ADGRF5: variants seen among roughly 807,000 people sequenced by gnomAD.
ADGRF5 encodes adhesion G protein-coupled receptor F5.
ADGRF5 carries 75 observed loss-of-function variants against 132.3 expected under a neutral mutation model. The ratio of observed to expected loss-of-function variants is 0.57; its 90% CI spans 0.47 to 0.69. ADGRF5 has a LOEUF of 0.69. Among genes scored for constraint, ADGRF5 ranks in the 30% least tolerant of loss-of-function variants. The pLI, the probability that ADGRF5 is intolerant of heterozygous loss-of-function variation, is 0.00. For synonymous variants in ADGRF5, 629 were observed against 597.6 expected, an observed-to-expected ratio of 1.05 and a Z score of -0.77; for missense variants, 1,516 against 1,630.6, an observed-to-expected ratio of 0.93 and a Z score of 1.21.
intron 3 of ADGRF5, among the ~76,000 whole-genome samples, chr6:46,892,153 AATACACACACAC>A (rs1355977118): frequency 8.8e-6 from 1 of 113,450 alleles, no homozygotes; most frequent in African/African-American, 3.5e-5. Flanking sequence ...GGAATACACA[AATACACACACAC>A]ACACACACAC....
intron 3 of ADGRF5, among the ~76,000 whole-genome samples, chr6:46,898,139 T>G (rs1237133659): frequency 6.6e-6 from 1 of 152,168 alleles, no homozygotes; most frequent in African/African-American, 2.4e-5. Flanking sequence ...GTAGAAATGG[T>G]TTCCTCCCCA....
At chr6:46,864,361 T>C (rs628638) in intron 14 of ADGRF5, among the ~76,000 whole-genome samples, 127,126 of 152,046 alleles carry the variant, frequency 0.84, 54,951 homozygotes, top group East Asian at 0.99. Flanking sequence ...TCATGTAGCC[T>C]TGTCTCAGAA....
At chr6:46,918,691 A>C (rs986301005) in intron 1 of ADGRF5, among the ~76,000 whole-genome samples, 1 of 152,178 alleles carries the variant, frequency 6.6e-6, no homozygotes, top group Admixed American at 6.5e-5. Context: ...TCCAATTAAA[A>C]CTGGAAAGTC....
At chr6:46,953,471 A>G (rs1309125573) in intron 1 of ADGRF5, among the ~76,000 whole-genome samples, 1 of 151,444 alleles carries the variant, frequency 6.6e-6, no homozygotes, top group Non-Finnish European at 1.5e-5. Context: ...AAAATACAAA[A>G]CATAGCTGGG....
At chr6:46,894,573 T>A (rs1773981996) in intron 3 of ADGRF5, among the ~76,000 whole-genome samples, 1 of 152,204 alleles carries the variant, frequency 6.6e-6, no homozygotes, top group African/African-American at 2.4e-5. Flanking sequence ...GAAATGAGAC[T>A]TCATGAGCCA....
intron 13 of ADGRF5, among the ~76,000 whole-genome samples, chr6:46,866,506 T>C (rs140782993): frequency 6.6e-6 from 1 of 152,290 alleles, no homozygotes; most frequent in African/African-American, 2.4e-5. Context: ...TCATTTCTAT[T>C]TTATTTTCCT....
intron 10 of ADGRF5, among the ~76,000 whole-genome samples, chr6:46,876,044 A>T (rs1252012493): frequency 3.3e-5 from 5 of 152,238 alleles, no homozygotes; most frequent in Non-Finnish European, 7.3e-5. Context: ...TCATTCATTC[A>T]GTTCCAAATG....
intron 1 of ADGRF5, among the ~76,000 whole-genome samples, chr6:46,942,898 G>A (rs1002745595): frequency 1.3e-5 from 2 of 152,208 alleles, no homozygotes; most frequent in Non-Finnish European, 2.9e-5. Context: ...ATGCATGCGT[G>A]TGGATTTGGT....
intron 10 of ADGRF5, among the ~76,000 whole-genome samples, chr6:46,876,211 A>G (rs1771630145): frequency 1.3e-5 from 2 of 152,240 alleles, no homozygotes; most frequent in South Asian, 4.1e-4. Context: ...AATCCATCAG[A>G]GAAACCACGG....
chr6:46,947,942 T>A (rs1381038990), intron 1 of ADGRF5, among the ~76,000 whole-genome samples: 1 of 152,084 alleles, frequency 6.6e-6, no homozygotes, highest in Non-Finnish European at 1.5e-5. Context: ...TGGGCAGGGG[T>A]GGTGATGGGG....
At chr6:46,904,275 A>G (rs1044059251) in intron 2 of ADGRF5, among the ~76,000 whole-genome samples, 2 of 152,222 alleles carry the variant, frequency 1.3e-5, no homozygotes, top group African/African-American at 4.8e-5. Context: ...ATTATTCACA[A>G]TGGCCAAGAG....
chr6:46,929,911 C>T (rs1304529728), intron 1 of ADGRF5, among the ~76,000 whole-genome samples: 1 of 152,160 alleles, frequency 6.6e-6, no homozygotes, highest in African/African-American at 2.4e-5. Flanking sequence ...ACCTCCACTT[C>T]CCGGGATCAA....
Position 46,873,649 on chromosome 6 carries a change from T to C in ADGRF5, c.1241-1636A>G, listed in dbSNP as rs114907253. Among the ~76,000 whole-genome samples the C allele has an allele frequency of 5.8e-4, 89 of 152,260 alleles. 1 individual carries two copies. Among genetic ancestry groups the C allele is most frequent in the African/African-American group, 2.1e-3 (87 of 41,546 alleles). On this transcript the variant is annotated intron_variant, in intron 10 of 20. Transcript: ENST00000283296. ...TCTCATCTATACCTATGGCTTCTAG[T>C]ATAGCTCAAATTTGGATGACTCCCA...
upstream of ADGRF5, among the ~76,000 whole-genome samples, chr6:46,922,372 G>A (rs2150927607): frequency 6.6e-6 from 1 of 152,300 alleles, no homozygotes; most frequent in East Asian, 1.9e-4. Flanking sequence ...CCGCGGGAGG[G>A]CTGTACCTCA....
At chr6:46,886,882 C>G (rs1314645889) in intron 4 of ADGRF5, 1 of 152,294 alleles carries the variant, frequency 6.6e-6, no homozygotes, top group East Asian at 1.9e-4. Context: ...TTTGTCAAAC[C>G]TGTTTCATAG....
chr6:46,901,890 C>T lies in ADGRF5; in HGVS notation c.103-1807G>A, dbSNP rs9463255. 7.6e-3 allele frequency among the ~76,000 whole-genome samples: 1,163 copies of T among 152,166 alleles called. 15 individuals are homozygous for T. Among genetic ancestry groups the T allele is most frequent in the African/African-American group, 0.026 (1,088 of 41,516 alleles). ...CATTTTTAGGAAAAGATCAGATGTC[C>T]GCAATTTACCACTCCATGTAAGGTT... On this transcript the variant is annotated intron_variant, in intron 2 of 20. Transcript: ENST00000283296.
intron 3 of ADGRF5, 123 bp downstream of exon 3, chr6:46,899,906 T>C: frequency 1.4e-6 from 1 of 695,496 alleles, no homozygotes; most frequent in Non-Finnish European, 2.6e-6. Context: ...GAAATCACAC[T>C]GCACTATATG....
At position 46,865,074 on chromosome 6, in the gene ADGRF5, C is replaced by T; in HGVS notation, c.1958G>A (p.Trp653Ter). The change falls in exon 14 of 21, where the codon TGG (tryptophan) becomes TAG (stop). Residue 653 changes from tryptophan (W) to a stop codon, truncating the protein, a stop_gained. Transcript: ENST00000283296. LOFTEE classifies it high-confidence loss of function. The part of the protein sequence containing the change: ...HFTNAANNSV[W>*]SPSMKLNLVP... ...CAGATTCAGCTTCATAGATGGGCTC[C>T]AGACTGAATTATTAGCAGCATTGGT... 6.2e-7 allele frequency: 1 copy of T among 1,611,102 alleles called. No homozygotes were observed. The highest frequency in any genetic ancestry group is 8.5e-7 in the Non-Finnish European group (1 of 1,177,654).
intron 1 of ADGRF5, among the ~76,000 whole-genome samples, chr6:46,928,648 C>T (rs1024121871): frequency 1.3e-5 from 2 of 152,092 alleles, no homozygotes; most frequent in African/African-American, 4.8e-5. Flanking sequence ...TGCATGAGGC[C>T]CTCTACTCTC....
Sources: allele counts gnomAD v4.1 joint callset (sites outside exome capture counted in the v4.1 genomes callset), GRCh38; gene constraint gnomAD v4.1.1; transcripts MANE v1.5; gene names NCBI Gene and HGNC (gene_info 2026-07-23, HGNC 2026-07-21).